FAM53A: variants seen among roughly 807,000 people sequenced by gnomAD.
The protein encoded by FAM53A is family with sequence similarity 53 member A.
Under a neutral mutation model 26.6 loss-of-function variants are expected in FAM53A, and 28 were observed. The observed-to-expected ratio is 1.05, with a 90% confidence interval of 0.78 to 1.45. The LOEUF is 1.45. Among genes scored for constraint, FAM53A ranks in the 40% most tolerant of loss-of-function variants. The pLI, the probability that FAM53A is intolerant of heterozygous loss-of-function variation, is 0.00. For synonymous variants in FAM53A, 290 were observed against 253.1 expected (o/e 1.15, Z -1.38); for missense variants, 650 against 575.8 (o/e 1.13, Z -1.32).
chr4:1,606,996 CA>C, the FAM53A span, among the ~76,000 whole-genome samples: 4 of 152,236 alleles, frequency 2.6e-5, no homozygotes, highest in Non-Finnish European at 5.9e-5. Context: ...ACAGCTTCCA[CA>C]ACGCTTGCCA....
At chr4:1,611,391 C>T in the FAM53A span, among the ~76,000 whole-genome samples, 2 of 152,212 alleles carry the variant, frequency 1.3e-5, no homozygotes, top group Non-Finnish European at 2.9e-5. Flanking sequence ...TCCTGGAGAG[C>T]AGCCCTCAGA....
chr4:1,665,066 G>A (rs1714125060), intron 2 of FAM53A, among the ~76,000 whole-genome samples: 1 of 151,950 alleles, frequency 6.6e-6, no homozygotes, highest in Non-Finnish European at 1.5e-5. Context: ...TGTAATCCCA[G>A]CACTTTGGGA....
intron 2 of FAM53A, among the ~76,000 whole-genome samples, chr4:1,661,003 G>A (rs923579108): frequency 2.6e-5 from 4 of 151,634 alleles, no homozygotes; most frequent in African/African-American, 4.9e-5. Flanking sequence ...TACCGTGCCC[G>A]CCAGGCCAGC....
rs74853575 is a variant in FAM53A at position 1,642,849 on chromosome 4, C to G, written c.883-1242G>C. On this transcript the variant is annotated intron_variant, in intron 4 of 4. Coordinates refer to ENST00000308132, the MANE Select transcript of FAM53A (RefSeq NM_001174070.3). Reference sequence around the variant, plus strand: ...TCGACCACACCACGCTGGCTTCAGACGCCTCACCTCGTGGCTCAGGCTTGT... The same window carrying G: ...TCGACCACACCACGCTGGCTTCAGAGGCCTCACCTCGTGGCTCAGGCTTGT... 7.2e-3 allele frequency among the ~76,000 whole-genome samples: 1,093 copies of G among 152,372 alleles called. 11 individuals are homozygous for G. Among genetic ancestry groups the G allele is most frequent in the African/African-American group, 0.024 (989 of 41,590 alleles).
chr4:1,612,232 C>T, the FAM53A span, among the ~76,000 whole-genome samples: 1 of 152,248 alleles, frequency 6.6e-6, no homozygotes, highest in East Asian at 1.9e-4. Context: ...GAACCATAAA[C>T]AAGATATAAG....
At chr4:1,611,143 C>G in the FAM53A span, among the ~76,000 whole-genome samples, 1 of 152,214 alleles carries the variant, frequency 6.6e-6, no homozygotes, top group Non-Finnish European at 1.5e-5. Flanking sequence ...CCTGACCCAG[C>G]CCGGCTCACA....
intron 1 of FAM53A, among the ~76,000 whole-genome samples, chr4:1,619,382 C>G (rs1358687898): frequency 6.6e-6 from 1 of 152,214 alleles, no homozygotes; most frequent in East Asian, 1.9e-4. Flanking sequence ...CCAGGGCCAG[C>G]TGGTGGCGCG....
the FAM53A span, among the ~76,000 whole-genome samples, chr4:1,590,373 C>T: frequency 0.049 from 7,504 of 152,232 alleles, 269 homozygotes; most frequent in Middle Eastern, 0.095. Context: ...CACATCTGGA[C>T]AAGCTGATAA....
At chr4:1,676,551 T>C (rs1715056901) in intron 1 of FAM53A, among the ~76,000 whole-genome samples, 1 of 152,110 alleles carries the variant, frequency 6.6e-6, no homozygotes. Context: ...GGGTGCTGGC[T>C]TACAAACCAA....
intron 1 of FAM53A, among the ~76,000 whole-genome samples, chr4:1,681,496 AC>A (rs1715438477): frequency 6.7e-6 from 1 of 149,946 alleles, no homozygotes; most frequent in African/African-American, 2.5e-5. Context: ...TCCTTTTGCA[AC>A]CCAACAAAGG....
At chr4:1,624,006 G>A (rs577706556) in intron 1 of FAM53A, among the ~76,000 whole-genome samples, 60 of 152,294 alleles carry the variant, frequency 3.9e-4, no homozygotes, top group African/African-American at 1.1e-3. Flanking sequence ...TGCCTGGGGC[G>A]GGTGTGAGGC....
the FAM53A span, among the ~76,000 whole-genome samples, chr4:1,605,290 C>T: frequency 3.9e-5 from 6 of 152,166 alleles, no homozygotes; most frequent in Admixed American, 6.5e-5. The surrounding 1 kb of genome is among the most constrained non-coding windows in gnomAD (Gnocchi z 5.7). Context: ...GAACTCCCAG[C>T]GCAGCCTCCC....
the FAM53A span, among the ~76,000 whole-genome samples, chr4:1,587,016 C>T: frequency 3.3e-5 from 5 of 152,156 alleles, no homozygotes; most frequent in East Asian, 1.9e-4. Flanking sequence ...TTTTACAACC[C>T]GTTGGCCATT....
intron 4 of FAM53A, among the ~76,000 whole-genome samples, chr4:1,642,915 G>A (rs1161736774): frequency 6.6e-6 from 1 of 152,210 alleles, no homozygotes; most frequent in African/African-American, 2.4e-5. Flanking sequence ...GCAGGGCACA[G>A]GGGCGCCATG....
chr4:1,668,598 A>C, intron 2 of FAM53A, 69 bp downstream of exon 2: 3 of 1,574,242 alleles, frequency 1.9e-6, no homozygotes, highest in Non-Finnish European at 2.6e-6. Flanking sequence ...TCCACCTCCC[A>C]GTGTGGCCAT....
chr4:1,655,818 G>C (rs918019235), intron 3 of FAM53A, 95 bp from the exon 4 acceptor site: 4 of 1,383,360 alleles, frequency 2.9e-6, no homozygotes, highest in South Asian at 3.0e-5. Context: ...GAGCTGTCAA[G>C]GGCACAACCC....
intron 1 of FAM53A, among the ~76,000 whole-genome samples, chr4:1,671,769 C>G (rs1327734559): frequency 1.3e-5 from 2 of 152,274 alleles, no homozygotes; most frequent in Non-Finnish European, 2.9e-5. Context: ...GGGCTGCACA[C>G]CCACCTTCCA....
intron 3 of FAM53A, among the ~76,000 whole-genome samples, chr4:1,657,065 G>A (rs574983736): frequency 6.6e-6 from 1 of 152,328 alleles, no homozygotes; most frequent in East Asian, 1.9e-4. Flanking sequence ...GACGCTACAA[G>A]CCCTGCCAGC....
intron 1 of FAM53A, among the ~76,000 whole-genome samples, chr4:1,625,121 G>A (rs1234118270): frequency 2.9e-5 from 2 of 67,882 alleles, no homozygotes; most frequent in African/African-American, 1.1e-4. Context: ...CCCGACCCAC[G>A]TGGTCAGGGG....
Sources: gnomAD v4.1 joint callset for allele counts (sites outside exome capture counted in the v4.1 genomes callset) on GRCh38, gnomAD v4.1.1 for gene constraint, Gnocchi (gnomAD v3.1) non-coding constraint, MANE v1.5 for transcripts, NCBI Gene and HGNC (gene_info 2026-07-23, HGNC 2026-07-21) for gene names.